INPP4B: variants seen among roughly 807,000 people sequenced by gnomAD.
INPP4B encodes the protein inositol polyphosphate 4-phosphatase type II.
In INPP4B, 55 loss-of-function variants were observed where a neutral mutation model predicts 122.5. The observed-to-expected ratio is 0.45, with a 90% CI of 0.36 to 0.56. The LOEUF (loss-of-function observed/expected upper bound fraction) is 0.56, where lower values mean the gene tolerates loss of function less well. INPP4B is among the 20% of genes least tolerant of loss of function. INPP4B has a pLI of 0.00. For missense variants in INPP4B, 1,000 were observed against 1,097.7 expected, an observed-to-expected ratio of 0.91 and a Z score of 1.26; for synonymous variants, 403 against 388.7, an observed-to-expected ratio of 1.04 and a Z score of -0.43.
At chr4:142,284,258 G>C (rs1752493480) in intron 9 of INPP4B, among the ~76,000 whole-genome samples, 1 of 152,058 alleles carries the variant, frequency 6.6e-6, no homozygotes, top group South Asian at 2.1e-4. Context: ...AGATTTGATG[G>C]CATTTTTTAA....
intron 7 of INPP4B, among the ~76,000 whole-genome samples, chr4:142,396,703 TA>T (rs2149066477): frequency 6.6e-6 from 1 of 152,120 alleles, no homozygotes; most frequent in East Asian, 1.9e-4. Flanking sequence ...GGAAGCAACA[TA>T]AATGTCCATC....
At chr4:142,172,904 T>C (rs1255098394) in intron 16 of INPP4B, among the ~76,000 whole-genome samples, 3 of 152,004 alleles carry the variant, frequency 2.0e-5, no homozygotes, top group Admixed American at 1.3e-4. Flanking sequence ...GATGCACACA[T>C]TGAAAGTGGA....
At chr4:142,674,007 A>G (rs529139501) in intron 2 of INPP4B, among the ~76,000 whole-genome samples, 3 of 152,034 alleles carry the variant, frequency 2.0e-5, no homozygotes, top group Non-Finnish European at 4.4e-5. Context: ...TAGATGGCAG[A>G]TGGGAGCTGC....
intron 25 of INPP4B, among the ~76,000 whole-genome samples, chr4:142,037,747 T>G (rs1744865106): frequency 6.6e-6 from 1 of 152,158 alleles, no homozygotes; most frequent in African/African-American, 2.4e-5. Context: ...AGTACCACGT[T>G]TCAGGCCCTA....
intron 7 of INPP4B, among the ~76,000 whole-genome samples, chr4:142,369,682 T>C (rs1789055426): frequency 6.6e-6 from 1 of 151,514 alleles, no homozygotes; most frequent in African/African-American, 2.4e-5. Flanking sequence ...ATCCCAGCAC[T>C]TTGGGAGGCC....
chr4:142,190,431 ACT>A (rs1835272767), intron 15 of INPP4B, among the ~76,000 whole-genome samples: 1 of 152,050 alleles, frequency 6.6e-6, no homozygotes, highest in Admixed American at 6.6e-5. Flanking sequence ...TGGTGCGATA[ACT>A]CTGTAATCAT....
At chr4:142,265,897 A>G (rs559053704) in intron 10 of INPP4B, among the ~76,000 whole-genome samples, 18 of 152,308 alleles carry the variant, frequency 1.2e-4, no homozygotes, top group Admixed American at 2.6e-4. Context: ...TCCATTTATG[A>G]AAAGAGTATA....
At chr4:142,330,529 GCA>G (rs1218614172) in intron 7 of INPP4B, among the ~76,000 whole-genome samples, 1 of 151,994 alleles carries the variant, frequency 6.6e-6, no homozygotes, top group Non-Finnish European at 1.5e-5. Context: ...ACGCATATGT[GCA>G]CACACGCACA....
At chr4:142,603,682 G>A (rs746018450) in intron 2 of INPP4B, among the ~76,000 whole-genome samples, 22 of 152,012 alleles carry the variant, frequency 1.4e-4, no homozygotes, top group Non-Finnish European at 2.6e-4. Context: ...GAAATCCTAA[G>A]CAGACCAATA....
intron 11 of INPP4B, among the ~76,000 whole-genome samples, chr4:142,250,901 C>T (rs1175151245): frequency 2.6e-5 from 4 of 152,142 alleles, no homozygotes; most frequent in Non-Finnish European, 4.4e-5. Flanking sequence ...TCTTTCACTC[C>T]ACAAAGTATA....
intron 12 of INPP4B, among the ~76,000 whole-genome samples, chr4:142,232,925 C>A (rs2149876122): frequency 6.6e-6 from 1 of 152,236 alleles, no homozygotes; most frequent in East Asian, 1.9e-4. Flanking sequence ...AGAGCAAAGT[C>A]CTAACTCTCT....
intron 25 of INPP4B, among the ~76,000 whole-genome samples, chr4:142,054,948 A>G (rs543046968): frequency 7.9e-5 from 12 of 152,176 alleles, no homozygotes; most frequent in African/African-American, 2.9e-4. Context: ...GTCAATTTCA[A>G]CTATAATCAT....
chr4:142,355,007 T>C (rs1783112140), intron 7 of INPP4B, among the ~76,000 whole-genome samples: 1 of 151,950 alleles, frequency 6.6e-6, no homozygotes. Flanking sequence ...GACTCTAAGA[T>C]GGCTTCATTC....
intron 9 of INPP4B, among the ~76,000 whole-genome samples, chr4:142,286,182 A>G (rs1421476177): frequency 6.6e-6 from 1 of 152,220 alleles, no homozygotes; most frequent in Non-Finnish European, 1.5e-5. Flanking sequence ...CAGTGGGAAT[A>G]AATCAAATGT....
chr4:142,577,981 G>A (rs556529874), intron 2 of INPP4B, among the ~76,000 whole-genome samples: 33 of 152,074 alleles, frequency 2.2e-4, no homozygotes, highest in African/African-American at 7.9e-4. Context: ...ATGTAACCAT[G>A]TGAGTCCTGT....
chr4:142,317,485 C>T (rs1438228057), intron 7 of INPP4B: 47 of 278,344 alleles, frequency 1.7e-4, no homozygotes, highest in Non-Finnish European at 7.5e-6. Context: ...CTGAGTATTC[C>T]AACGCGCATT....
At chr4:142,757,121 G>C (rs1352483931) in intron 1 of INPP4B, among the ~76,000 whole-genome samples, 1 of 151,734 alleles carries the variant, frequency 6.6e-6, no homozygotes, top group Non-Finnish European at 1.5e-5. Context: ...TTTATTTTTA[G>C]AGCAGTTTTA....
intron 1 of INPP4B, among the ~76,000 whole-genome samples, chr4:142,785,553 G>A (rs1775641447): frequency 6.6e-6 from 1 of 151,988 alleles, no homozygotes. Flanking sequence ...TGCTCTTGAT[G>A]GCCTGTAAGT....
At chr4:142,342,148 G>A (rs1215704561) in intron 7 of INPP4B, among the ~76,000 whole-genome samples, 1 of 152,100 alleles carries the variant, frequency 6.6e-6, no homozygotes, top group Non-Finnish European at 1.5e-5. Context: ...CAGAGTAGTT[G>A]CGAGCATTTA....
Sources: allele counts gnomAD v4.1 joint callset (sites outside exome capture counted in the v4.1 genomes callset), GRCh38; gene constraint gnomAD v4.1.1; transcripts MANE v1.5; gene names NCBI Gene and HGNC (gene_info 2026-07-23, HGNC 2026-07-21).